Variants in CFAP61 observed in about 807,000 individuals in gnomAD.
CFAP61 encodes the protein cilia- and flagella-associated protein 61.
In CFAP61, 107 loss-of-function variants were observed where a neutral mutation model predicts 135.6. That is an observed-to-expected ratio of 0.79 (90% CI 0.67 to 0.93). The LOEUF is 0.93. CFAP61 is among the 40% of genes least tolerant of loss of function. The probability of loss-of-function intolerance (pLI) is 0.00; values close to 1 mark genes in which losing one functional copy is unlikely to be tolerated. For synonymous variants in CFAP61, 575 were observed against 578.5 expected (o/e 0.99, Z 0.09); for missense variants, 1,507 against 1,556.2 (o/e 0.97, Z 0.53).
chr20:20,351,658 A>C (rs917439987), intron 26 of CFAP61, among the ~76,000 whole-genome samples: 1 of 151,984 alleles, frequency 6.6e-6, no homozygotes, highest in African/African-American at 2.4e-5. Context: ...CAAAGCATCA[A>C]AAAAAATATT....
chr20:20,237,852 G>A (rs569173917), intron 18 of CFAP61, among the ~76,000 whole-genome samples: 3 of 152,144 alleles, frequency 2.0e-5, no homozygotes, highest in African/African-American at 7.2e-5. Context: ...CACCTTCCCC[G>A]TTTTCTGAAA....
At chr20:20,118,140 G>T (rs919013342) in intron 8 of CFAP61, among the ~76,000 whole-genome samples, 33 of 152,170 alleles carry the variant, frequency 2.2e-4, no homozygotes, top group African/African-American at 7.2e-4. Context: ...AGTGATGAAA[G>T]TGTGCATCCT....
In CFAP61 at chr20:20,159,397, G is replaced by A. The variant is rs565367792; in HGVS notation, c.979G>A (p.Glu327Lys). ...QGNIAREAAS[E>K]EALTAVQSGN... The stretch of plus-strand genomic sequence containing the variant: ...AAATATTGCCAGAGAAGCTGCATCC[G>A]AGGAAGCTTTAACAGCAGTCCAAAG... Residue 327 changes from glutamate (E) to lysine (K), a missense_variant, in exon 10 of 27, where the codon GAG (glutamate) becomes AAG (lysine). Transcript: ENST00000245957. The A allele has an allele frequency of 3.1e-6, 5 of 1,613,922 alleles. No homozygotes were observed. The highest frequency in any genetic ancestry group is 2.2e-5 in the South Asian group (2 of 91,068).
chr20:20,212,996 C>G (rs1378930143), intron 17 of CFAP61, among the ~76,000 whole-genome samples: 1 of 152,128 alleles, frequency 6.6e-6, no homozygotes, highest in Non-Finnish European at 1.5e-5. Flanking sequence ...AGGAGGAGAG[C>G]CCGGGAGGGG....
chr20:20,227,416 G>A (rs193215646), intron 17 of CFAP61, among the ~76,000 whole-genome samples: 2 of 152,316 alleles, frequency 1.3e-5, no homozygotes, highest in South Asian at 2.1e-4. Flanking sequence ...CAAAAAATGT[G>A]TGTTGAATCA....
At chr20:20,229,186 C>T (rs548536473) in intron 18 of CFAP61, among the ~76,000 whole-genome samples, 2 of 152,156 alleles carry the variant, frequency 1.3e-5, no homozygotes. Flanking sequence ...TCCCCAGTCT[C>T]TCTCTCCATG....
intron 26 of CFAP61, among the ~76,000 whole-genome samples, chr20:20,343,056 C>T (rs1171137937): frequency 6.6e-6 from 1 of 152,118 alleles, no homozygotes; most frequent in Non-Finnish European, 1.5e-5. Flanking sequence ...GACAGGGCAC[C>T]ATATTGGCCA....
intron 16 of CFAP61, 68 bp downstream of exon 16, chr20:20,196,844 G>A (rs980888467): frequency 1.5e-5 from 20 of 1,307,084 alleles, no homozygotes; most frequent in East Asian, 2.3e-5. Flanking sequence ...GTTGTACGCC[G>A]CATTCTATTC....
At chr20:20,125,434 T>G (rs2049994868) in intron 8 of CFAP61, among the ~76,000 whole-genome samples, 1 of 151,730 alleles carries the variant, frequency 6.6e-6, no homozygotes, top group African/African-American at 2.4e-5. Context: ...GTCTTTCAGT[T>G]CAAAGAATTT....
Position 20,334,134 on chromosome 20 carries a change from C to CT in CFAP61, c.3423-7687dup, listed in dbSNP as rs369518645. Among the ~76,000 whole-genome samples the CT allele has an allele frequency of 8.9e-4, 133 of 149,780 alleles. 2 individuals are homozygous for CT. The East Asian group carries it at 0.019, about 21-fold the overall frequency. On this transcript the variant is annotated intron_variant, in intron 25 of 26. Transcript: ENST00000245957. The stretch of plus-strand genomic sequence containing the variant: ...TAGTTTTAAGCAATGTTAACTTCTT[C>CT]TTTTTTTTTTGAGACAAAGTCTCGC...
intron 20 of CFAP61, among the ~76,000 whole-genome samples, chr20:20,257,885 A>G (rs2051777719): frequency 6.6e-6 from 1 of 152,220 alleles, no homozygotes; most frequent in Admixed American, 6.5e-5. Context: ...GTACTATTTC[A>G]GTGTTGACTC....
At chr20:20,299,700 C>G (rs1189089699) in intron 25 of CFAP61, among the ~76,000 whole-genome samples, 1 of 152,176 alleles carries the variant, frequency 6.6e-6, no homozygotes, top group African/African-American at 2.4e-5. Flanking sequence ...TGAGAACCAT[C>G]CAGGATGATG....
At chr20:20,305,907 A>G (rs762415650) in intron 25 of CFAP61, among the ~76,000 whole-genome samples, 3 of 152,158 alleles carry the variant, frequency 2.0e-5, no homozygotes, top group Admixed American at 6.5e-5. Flanking sequence ...TTCTGCTACT[A>G]TTCCAGAGGC....
At chr20:20,347,550 A>T (rs991284732) in intron 26 of CFAP61, among the ~76,000 whole-genome samples, 2 of 152,240 alleles carry the variant, frequency 1.3e-5, no homozygotes, top group Admixed American at 1.3e-4. Flanking sequence ...TATCGACCTT[A>T]TGGAAATAAA....
intron 13 of CFAP61, among the ~76,000 whole-genome samples, chr20:20,171,086 G>A (rs2054184769): frequency 6.6e-6 from 1 of 152,106 alleles, no homozygotes; most frequent in South Asian, 2.1e-4. Flanking sequence ...TCGGAACCCA[G>A]GCTGTTAGCT....
At chr20:20,070,482 A>G (rs2045626452) in intron 2 of CFAP61, among the ~76,000 whole-genome samples, 1 of 152,164 alleles carries the variant, frequency 6.6e-6, no homozygotes, top group Admixed American at 6.5e-5. Flanking sequence ...GCAAAGAGAG[A>G]CACTTGGCCA....
At chr20:20,066,854 A>G (rs1448162280) in intron 2 of CFAP61, among the ~76,000 whole-genome samples, 1 of 152,194 alleles carries the variant, frequency 6.6e-6, no homozygotes, top group Non-Finnish European at 1.5e-5. Context: ...CCAGAGCAGG[A>G]AAACTAATAT....
intron 2 of CFAP61, among the ~76,000 whole-genome samples, chr20:20,059,242 C>T (rs951890235): frequency 4.3e-5 from 6 of 139,464 alleles, no homozygotes; most frequent in African/African-American, 7.9e-5. Flanking sequence ...GCAGGAGAAT[C>T]GCTTGAACCC....
chr20:20,164,049 G>T lies in CFAP61; in HGVS notation c.1027-1G>T. The T allele has an allele frequency of 6.2e-7, 1 of 1,604,808 alleles. No homozygotes were observed. ...TGGCTCCTCCTGTCTCCTTGCTCTA[G>T]GACATAGAAAAACTCAGTGACATCT... is the stretch of plus-strand genomic sequence containing the variant. On this transcript the variant is annotated splice_acceptor_variant, in intron 10 of 26. Coordinates refer to ENST00000245957, the MANE Select transcript of CFAP61 (RefSeq NM_015585.4). LOFTEE classifies it high-confidence loss of function.
Sources: gnomAD v4.1 joint callset for allele counts (sites outside exome capture counted in the v4.1 genomes callset) on GRCh38, gnomAD v4.1.1 for gene constraint, MANE v1.5 for transcripts, NCBI Gene and HGNC (gene_info 2026-07-23, HGNC 2026-07-21) for gene names.